The following FRMD4A variants were observed in gnomAD, a reference collection of about 807,000 sequenced individuals.
FRMD4A encodes the protein FERM domain containing 4A, also known as FERM domain-containing protein 4A.
In FRMD4A, 29 loss-of-function variants were observed where a neutral mutation model predicts 129.1. The observed-to-expected ratio is 0.22, with a 90% CI of 0.17 to 0.31. The LOEUF (loss-of-function observed/expected upper bound fraction) is 0.31, where lower values mean the gene tolerates loss of function less well. Ranked by LOEUF, FRMD4A falls within the 10% of genes least tolerant of loss-of-function variation. FRMD4A has a pLI of 1.00. For missense variants in FRMD4A, 1,272 were observed against 1,375.8 expected (o/e 0.92, Z 1.19); for synonymous variants, 634 against 571.6 (o/e 1.11, Z -1.56).
intron 2 of FRMD4A, among the ~76,000 whole-genome samples, chr10:13,874,259 A>AAG (rs1331270316): frequency 6.6e-6 from 1 of 151,320 alleles, no homozygotes; most frequent in East Asian, 1.9e-4. Context: ...AAAAAAAAAA[A>AAG]AAAAAAAAAG....
intron 2 of FRMD4A, among the ~76,000 whole-genome samples, chr10:14,196,870 C>G: frequency 6.6e-6 from 1 of 152,200 alleles, no homozygotes; most frequent in Non-Finnish European, 1.5e-5. Context: ...GGCTAAACTT[C>G]TTACCCTGGG....
intron 2 of FRMD4A, among the ~76,000 whole-genome samples, chr10:14,094,495 C>G (rs1836837409): frequency 6.6e-6 from 1 of 152,170 alleles, no homozygotes; most frequent in African/African-American, 2.4e-5. Flanking sequence ...AGGCTGTAGT[C>G]TCCTTTCAAA....
At chr10:13,882,244 T>C (rs1411246806) in intron 2 of FRMD4A, among the ~76,000 whole-genome samples, 2 of 152,040 alleles carry the variant, frequency 1.3e-5, no homozygotes, top group Non-Finnish European at 2.9e-5. Flanking sequence ...CCCTAAACTA[T>C]GACAATGGCA....
At chr10:13,728,573 C>CTTTTTGTTTTTTTTTTTTTTTTTT (rs2090079318) in intron 12 of FRMD4A, among the ~76,000 whole-genome samples, 1 of 78,372 alleles carries the variant, frequency 1.3e-5, no homozygotes, top group Non-Finnish European at 2.4e-5. Context: ...GATTACCATT[C>CTTTTTGTTTTTTTTTTTTTTTTTT]TTTTTTTTTT....
intron 2 of FRMD4A, among the ~76,000 whole-genome samples, chr10:13,933,510 C>G (rs1857263): frequency 0.21 from 31,338 of 152,096 alleles, 3,594 homozygotes; most frequent in Non-Finnish European, 0.25. Flanking sequence ...TGCCAAGAAC[C>G]TGGCCACCCT....
At chr10:14,034,169 G>C (rs1400421406) in intron 2 of FRMD4A, among the ~76,000 whole-genome samples, 1 of 152,166 alleles carries the variant, frequency 6.6e-6, no homozygotes, top group Non-Finnish European at 1.5e-5. Context: ...GGGAGGTCAT[G>C]GCACTGTGTA....
intron 2 of FRMD4A, among the ~76,000 whole-genome samples, chr10:14,056,402 GAA>G (rs201823447): frequency 6.8e-6 from 1 of 148,072 alleles, no homozygotes; most frequent in African/African-American, 2.5e-5. Flanking sequence ...CCCCGTGATT[GAA>G]AAAAAAATTT....
chr10:13,921,235 T>TC (rs2095067768), intron 2 of FRMD4A, among the ~76,000 whole-genome samples: 1 of 136,946 alleles, frequency 7.3e-6, no homozygotes, highest in Admixed American at 7.5e-5. Flanking sequence ...TTTCTCTCTC[T>TC]TTCTTTCTCT....
intron 2 of FRMD4A, among the ~76,000 whole-genome samples, chr10:14,144,822 T>G (rs796188285): frequency 4.8e-4 from 73 of 152,186 alleles, no homozygotes; most frequent in African/African-American, 1.7e-3. Flanking sequence ...GGGCAGGTGA[T>G]GAAGAGCAGC....
intron 2 of FRMD4A, among the ~76,000 whole-genome samples, chr10:14,120,370 A>G (rs539564488): frequency 2.0e-5 from 3 of 152,066 alleles, no homozygotes; most frequent in Admixed American, 1.3e-4. Context: ...CCTGATGCCA[A>G]TACCCTCTCC....
intron 2 of FRMD4A, among the ~76,000 whole-genome samples, chr10:14,078,462 G>A (rs1387686434): frequency 6.6e-6 from 1 of 152,204 alleles, no homozygotes; most frequent in African/African-American, 2.4e-5. Context: ...CCAGGTTAAA[G>A]GGAAGCTTCT....
chr10:14,139,739 A>G (rs1464507773), intron 2 of FRMD4A, among the ~76,000 whole-genome samples: 1 of 152,208 alleles, frequency 6.6e-6, no homozygotes, highest in Non-Finnish European at 1.5e-5. Flanking sequence ...CATGAGTGAC[A>G]GAACCTGGCC....
At chr10:14,112,863 A>G (rs1837993919) in intron 2 of FRMD4A, among the ~76,000 whole-genome samples, 1 of 152,188 alleles carries the variant, frequency 6.6e-6, no homozygotes, top group African/African-American at 2.4e-5. Context: ...ATTCAAAAGG[A>G]AACTATGCTT....
chr10:14,289,342 T>C (rs1306578262), intron 2 of FRMD4A, among the ~76,000 whole-genome samples: 2 of 152,164 alleles, frequency 1.3e-5, no homozygotes, highest in Non-Finnish European at 2.9e-5. Flanking sequence ...CGTGATATCA[T>C]GCTGTTGTTT....
At chr10:14,157,774 A>G (rs1252552544) in intron 2 of FRMD4A, among the ~76,000 whole-genome samples, 1 of 152,268 alleles carries the variant, frequency 6.6e-6, no homozygotes, top group African/African-American at 2.4e-5. Flanking sequence ...GGCCAAATTT[A>G]CTACGAATGT....
At chr10:13,728,715 C>T (rs10906456) in intron 12 of FRMD4A, among the ~76,000 whole-genome samples, 95,753 of 151,006 alleles carry the variant, frequency 0.63, 30,822 homozygotes, top group Middle Eastern at 0.7. Context: ...GGATTACAGG[C>T]GTATATCACC....
At chr10:13,830,888 C>A (rs1478253697) in intron 3 of FRMD4A, among the ~76,000 whole-genome samples, 2 of 152,150 alleles carry the variant, frequency 1.3e-5, no homozygotes, top group Non-Finnish European at 2.9e-5. Flanking sequence ...CTCCCGGGTT[C>A]AAGTGATTCT....
At position 14,265,848 on chromosome 10, in the gene FRMD4A, G is replaced by T. The variant is rs531393088; in HGVS notation, c.45+64210C>A. Among the ~76,000 whole-genome samples, 8 of 152,316 alleles carry T rather than the reference G, an allele frequency of 5.3e-5. No homozygotes were observed. The South Asian group carries it at 1.2e-3, about 24-fold the overall frequency. Reference sequence around the variant, plus strand: ...GGTTGCCAGAGCAGCTGGGAAGGGAGAGGGAACCATTTATCATAAATCCCT... The same window carrying T: ...GGTTGCCAGAGCAGCTGGGAAGGGATAGGGAACCATTTATCATAAATCCCT... On this transcript the variant is annotated intron_variant, in intron 2 of 24. Coordinates refer to ENST00000357447, the MANE Select transcript of FRMD4A (RefSeq NM_018027.5).
chr10:13,826,882 C>G (rs956965223), intron 3 of FRMD4A, among the ~76,000 whole-genome samples: 1 of 152,114 alleles, frequency 6.6e-6, no homozygotes, highest in African/African-American at 2.4e-5. Flanking sequence ...GCCACACAGC[C>G]CCTTCCCTTC....
Sources: gnomAD v4.1 joint callset for allele counts (sites outside exome capture counted in the v4.1 genomes callset) on GRCh38, gnomAD v4.1.1 for gene constraint, MANE v1.5 for transcripts, NCBI Gene and HGNC (gene_info 2026-07-23, HGNC 2026-07-21) for gene names.